The following CYP4F2 variants were observed in gnomAD, a reference collection of about 807,000 sequenced individuals.
CYP4F2 encodes the protein cytochrome P450 4F2.
A neutral mutation model predicts 58.9 loss-of-function variants in CYP4F2; 58 were observed. The ratio of observed to expected loss-of-function variants is 0.98; its 90% CI spans 0.80 to 1.23. The LOEUF (loss-of-function observed/expected upper bound fraction) is 1.23, where lower values mean the gene tolerates loss of function less well. Ranked by LOEUF, CYP4F2 falls within the 50% of genes most tolerant of loss-of-function variation. The pLI is 0.00. For synonymous variants in CYP4F2, 287 were observed against 261.1 expected (o/e 1.10, Z -0.95); for missense variants, 616 against 685.6 (o/e 0.90, Z 1.13).
At chr19:15,890,999 C>T (rs1487284810) in intron 5 of CYP4F2, among the ~76,000 whole-genome samples, 3 of 152,164 alleles carry the variant, frequency 2.0e-5, no homozygotes, top group Non-Finnish European at 4.4e-5. Flanking sequence ...TGGATTTCCC[C>T]GTCTGCATTG....
intron 9 of CYP4F2, among the ~76,000 whole-genome samples, chr19:15,883,419 C>T (rs1386334329): frequency 1.3e-5 from 2 of 152,102 alleles, no homozygotes; most frequent in African/African-American, 4.8e-5. Flanking sequence ...ATCAAAACCA[C>T]AATGAGATAT....
Position 15,897,517 on chromosome 19 carries a change from G to A in CYP4F2, c.95C>T (p.Ala32Val). 1 of 1,613,868 alleles carries A rather than the reference G, an allele frequency of 6.2e-7. No individual in the cohort carries two copies. Among genetic ancestry groups the A allele is most frequent in the South Asian group, 1.1e-5 (1 of 91,060 alleles). ...GGCGTAGGTCCAGGCCAGGACATGGGCCAGGAGCCAGGAGGCCCCGACCAG... is the reference window on the plus strand; with the variant it reads ...GGCGTAGGTCCAGGCCAGGACATGGACCAGGAGCCAGGAGGCCCCGACCAG... ...LLLVGASWLL[A>V]HVLAWTYAFY... Residue 32 changes from alanine to valine, a missense_variant, in exon 2 of 13, where the codon GCC becomes GTC. Physicochemically the swap from Ala to Val is moderately conservative, Grantham distance 64. Coordinates refer to ENST00000221700, the MANE Select transcript of CYP4F2 (RefSeq NM_001082.5).
Position 15,879,811 on chromosome 19 carries a change from T to A in CYP4F2, c.1202A>T (p.His401Leu), listed in dbSNP as rs1435072497. ...LHPPVPVISR[H>L]VTQDIVLPDG... ...TGGGAGCACAATGTCCTGGGTGACA[T>A]GGCGGGAGATGACCGGGACTGGGGG... The change falls in exon 10 of 13, where the codon CAT becomes CTT. Residue 401 changes from histidine to leucine, a missense_variant. Coordinates refer to ENST00000221700, the MANE Select transcript of CYP4F2 (RefSeq NM_001082.5). 6.2e-7 allele frequency: 1 copy of A among 1,613,936 alleles called. No individual in the cohort carries two copies.
At position 15,889,435 on chromosome 19, in the gene CYP4F2, G is replaced by C; in HGVS notation, c.906C>G (p.Leu302=). The C allele has an allele frequency of 6.2e-7, 1 of 1,614,056 alleles. No individual in the cohort carries two copies. The highest frequency in any genetic ancestry group is 1.1e-5 in the South Asian group (1 of 91,074). The change falls in exon 7 of 13, where the codon CTC becomes CTG. Residue 302 remains leucine (L), a synonymous_variant. Transcript: ENST00000221700. The part of the protein sequence containing the change: ...KSKTLDFIDV[L]LLSKDEDGKK... Reference sequence around the variant, plus strand: ...CAGAGAGGCCCACCTTGCTCAGCAGGAGTACATCAATGAAGTCCAAAGTCT... The same window carrying C: ...CAGAGAGGCCCACCTTGCTCAGCAGCAGTACATCAATGAAGTCCAAAGTCT...
At position 15,889,559 on chromosome 19, in the gene CYP4F2, C is replaced by T. The variant is rs780147674; in HGVS notation, c.782G>A (p.Arg261His). The T allele has an allele frequency of 6.8e-6, 11 of 1,614,122 alleles. No homozygotes were observed. Among genetic ancestry groups the T allele is most frequent in the African/African-American group, 2.7e-5 (2 of 75,000 alleles). ...GGCATCTGTGAAGTCGTGCACCAGGCGGCAGGCCCTGCGGAAACGCTGCCC... is the reference window on the plus strand; with the variant it reads ...GGCATCTGTGAAGTCGTGCACCAGGTGGCAGGCCCTGCGGAAACGCTGCCC... ...PDGQRFRRAC[R>H]LVHDFTDAVI... The change falls in exon 7 of 13, where the codon CGC becomes CAC. Residue 261 changes from arginine to histidine, a missense_variant. Arg to His is a conservative substitution (Grantham distance 29). Coordinates refer to ENST00000221700, the MANE Select transcript of CYP4F2 (RefSeq NM_001082.5).
chr19:15,889,293 C>T, intron 7 of CYP4F2, 130 bp downstream of exon 7: 2 of 1,545,284 alleles, frequency 1.3e-6, no homozygotes, highest in Non-Finnish European at 1.7e-6. Flanking sequence ...TATCTCTGAC[C>T]TGTCCCTCCC....
rs2089455938 is a variant in CYP4F2 at position 15,897,587 on chromosome 19, G to A, written c.25C>T (p.Leu9=). 6.2e-7 allele frequency: 1 copy of A among 1,613,646 alleles called. No individual in the cohort carries two copies. The highest frequency in any genetic ancestry group is 1.3e-5 in the African/African-American group (1 of 74,898). Residue 9 remains leucine (L), a synonymous_variant, in exon 2 of 13, where the codon CTG becomes TTG. Coordinates refer to ENST00000221700, the MANE Select transcript of CYP4F2 (RefSeq NM_001082.5). ...GATGCTGCCACTGGCCAGAGGCCCA[G>A]CCAGGACAGGCTCAGCTGGGACATC... MSQLSLSW[L]GLWPVAASPW... is the part of the protein sequence containing the mutation.
rs757299545 is a variant in CYP4F2, at chr19:15,879,876, G to A, written c.1137C>T (p.Pro379=). ...TCTCCTTCATGCACATGGTCAGGAA[G>A]GGCAAATGGGCCAGGTCGTCCCTAA... ...EIEWDDLAHL[P]FLTMCMKESL... is the part of the protein sequence containing the mutation. The change falls in exon 10 of 13, where the codon CCC becomes CCT. Residue 379 remains proline, a synonymous_variant. Coordinates refer to ENST00000221700, the MANE Select transcript of CYP4F2 (RefSeq NM_001082.5). 6 of 1,614,046 alleles carry A rather than the reference G, an allele frequency of 3.7e-6. No homozygotes were observed. The highest frequency in any genetic ancestry group is 2.7e-5 in the African/African-American group (2 of 74,922).
At chr19:15,884,011 AT>A (rs2089360445) in intron 9 of CYP4F2, among the ~76,000 whole-genome samples, 1 of 152,154 alleles carries the variant, frequency 6.6e-6, no homozygotes, top group Non-Finnish European at 1.5e-5. Flanking sequence ...GTGAGCCAAG[AT>A]CGTGCCACCG....
chr19:15,892,398 G>A lies in CYP4F2; in HGVS notation c.436C>T (p.Arg146Cys), dbSNP rs556151888. The A allele has an allele frequency of 2.0e-5, 32 of 1,614,146 alleles. No individual in the cohort carries two copies. The South Asian group carries it at 2.2e-4, about 11-fold the overall frequency. ...GCAGGCGTCAGCATCCGACGGTGGC[G>A]GCTCCACTTGTCACCAGCACTCAGC... Reference protein sequence around the residue: ...LLLSAGDKWSRHRRMLTPAFH... With the variant: ...LLLSAGDKWSCHRRMLTPAFH... The change falls in exon 5 of 13, where the codon CGC (arginine) becomes TGC (cysteine). Residue 146 changes from arginine to cysteine, a missense_variant. Arg to Cys is a radical substitution (Grantham distance 180, BLOSUM62 -3). Transcript: ENST00000221700.
chr19:15,889,301 C>T, intron 7 of CYP4F2, 122 bp downstream of exon 7: 1 of 1,569,096 alleles, frequency 6.4e-7, no homozygotes, highest in Non-Finnish European at 8.6e-7. Context: ...ACCTGTCCCT[C>T]CCTTCCTCAA....
At chr19:15,889,398 G>C in intron 7 of CYP4F2, 25 bp downstream of exon 7, 1 of 1,613,112 alleles carries the variant, frequency 6.2e-7, no homozygotes. Flanking sequence ...TCTACTTCTT[G>C]AATTCAGATC....
chr19:15,890,893 G>C (rs777416807), intron 5 of CYP4F2, among the ~76,000 whole-genome samples: 1 of 152,116 alleles, frequency 6.6e-6, no homozygotes, highest in East Asian at 1.9e-4. Flanking sequence ...TCTCTCCTTC[G>C]CAGAGCTGTT....
intron 3 of CYP4F2, 98 bp from the exon 4 acceptor site, chr19:15,892,680 A>C: frequency 6.5e-7 from 1 of 1,528,246 alleles, no homozygotes; most frequent in Non-Finnish European, 8.8e-7. Flanking sequence ...CACTTCTCCC[A>C]CTCTGAGCCC....
Position 15,890,449 on chromosome 19 carries a change from G to A in CYP4F2, c.526-16C>T. The A allele has an allele frequency of 6.2e-7, 1 of 1,613,738 alleles. No homozygotes were observed. Among genetic ancestry groups the A allele is most frequent in the Admixed American group, 1.7e-5 (1 of 60,012 alleles). ...GCCACTTGGCCTAGCCAGAGAAGGG[G>A]ACAGAGCTGGGGCAGGCTCCTTGCT... On this transcript the variant is annotated splice_polypyrimidine_tract_variant and intron_variant, in intron 5 of 12. Transcript: ENST00000221700.
Position 15,886,020 on chromosome 19 carries a change from A to T in CYP4F2, c.1019T>A (p.Val340Asp). 1 of 1,613,912 alleles carries T rather than the reference A, an allele frequency of 6.2e-7. No homozygotes were observed. The highest frequency in any genetic ancestry group is 8.5e-7 in the Non-Finnish European group (1 of 1,179,972). ...HDTTASGLSW[V>D]LYHLAKHPEY... ...TGGGTGCTTTGCAAGGTGGTACAGG[A>T]CCCAGGAGAGACCACTGGCCGTGGT... Residue 340 changes from valine to aspartate, a missense_variant, in exon 9 of 13, where the codon GTC becomes GAC. By Grantham distance (152) the Val-to-Asp change is radical. Transcript: ENST00000221700.
chr19:15,895,264 T>A (rs984692), intron 3 of CYP4F2, among the ~76,000 whole-genome samples: 38,625 of 151,980 alleles, frequency 0.25, 5,308 homozygotes, highest in African/African-American at 0.35. Flanking sequence ...CCTCCAGGAC[T>A]GGGCCTTGGG....
intron 2 of CYP4F2, among the ~76,000 whole-genome samples, chr19:15,896,854 G>T (rs1278067085): frequency 6.6e-6 from 1 of 152,226 alleles, no homozygotes; most frequent in African/African-American, 2.4e-5. Context: ...GAGGAGAAAG[G>T]CCAAGGAAAG....
Position 15,890,312 on chromosome 19 carries a change from T to C in CYP4F2, c.647A>G (p.Glu216Gly), listed in dbSNP as rs1487223716. The C allele has an allele frequency of 4.3e-6, 7 of 1,613,890 alleles. No homozygotes were observed. The highest frequency in any genetic ancestry group is 5.1e-6 in the Non-Finnish European group (6 of 1,179,952). Reference sequence around the variant, plus strand: ...TCCCAGATCCTGGGCAAGAACTTACTCCTGACAATGGCTGTCAAAGCTGAA... The same window carrying C: ...TCCCAGATCCTGGGCAAGAACTTACCCCTGACAATGGCTGTCAAAGCTGAA... The part of the protein sequence containing the change: ...CVFSFDSHCQ[E>G]KPSEYIAAIL... Residue 216 changes from glutamate to glycine, a missense_variant and splice_region_variant, in exon 6 of 13, where the codon GAG becomes GGG. By Grantham distance (98) the Glu-to-Gly change is moderately conservative. Coordinates refer to ENST00000221700, the MANE Select transcript of CYP4F2 (RefSeq NM_001082.5).
Sources: allele counts gnomAD v4.1 joint callset (sites outside exome capture counted in the v4.1 genomes callset), GRCh38; gene constraint gnomAD v4.1.1; transcripts MANE v1.5; gene names NCBI Gene and HGNC (gene_info 2026-07-23, HGNC 2026-07-21).